Variants in TULP4 observed in about 807,000 individuals in gnomAD.
TULP4 encodes the protein tubby-related protein 4.
A neutral mutation model predicts 129.0 loss-of-function variants in TULP4; 16 were observed. The ratio of observed to expected loss-of-function variants is 0.12; its 90% CI spans 0.08 to 0.19. The LOEUF is 0.19. Among genes scored for constraint, TULP4 ranks in the 10% least tolerant of loss-of-function variants. The probability of loss-of-function intolerance (pLI) is 1.00; values close to 1 mark genes in which losing one functional copy is unlikely to be tolerated. For missense variants in TULP4, 1,842 were observed against 2,059.1 expected (o/e 0.89, Z 2.04); for synonymous variants, 998 against 854.0 (o/e 1.17, Z -2.94).
chr6:158,424,227 A>G (rs1778423225), intron 2 of TULP4, among the ~76,000 whole-genome samples: 1 of 152,190 alleles, frequency 6.6e-6, no homozygotes, highest in Non-Finnish European at 1.5e-5. Flanking sequence ...GTATATTTGT[A>G]TATAATCTAT....
At chr6:158,258,836 G>A (rs187946340) in intron 1 of TULP4, among the ~76,000 whole-genome samples, 28 of 152,012 alleles carry the variant, frequency 1.8e-4, no homozygotes, top group Admixed American at 3.9e-4. Context: ...TTATTTTCAC[G>A]TCAGCATTAT....
chr6:158,324,265 T>TA (rs1301924345), intron 1 of TULP4, among the ~76,000 whole-genome samples: 2 of 152,202 alleles, frequency 1.3e-5, no homozygotes, highest in Non-Finnish European at 2.9e-5. Context: ...AAAATATTCT[T>TA]ACATTCCCTG....
At chr6:158,466,313 A>G (rs1779553146) in intron 6 of TULP4, among the ~76,000 whole-genome samples, 1 of 152,092 alleles carries the variant, frequency 6.6e-6, no homozygotes, top group Non-Finnish European at 1.5e-5. Flanking sequence ...ACCATTTTAC[A>G]TTTTCACTAA....
At chr6:158,483,923 GT>G (rs111713315) in intron 8 of TULP4, among the ~76,000 whole-genome samples, 6,014 of 144,558 alleles carry the variant, frequency 0.042, 154 homozygotes, top group South Asian at 0.079. Flanking sequence ...AGTCCCAGTA[GT>G]TTTTTTTTTT....
intron 8 of TULP4, among the ~76,000 whole-genome samples, chr6:158,484,201 A>C (rs998423280): frequency 3.3e-5 from 5 of 151,408 alleles, no homozygotes; most frequent in Admixed American, 2.6e-4. Context: ...CTGGGATCAT[A>C]GGTGTGAGCC....
At chr6:158,260,388 A>T (rs886432858) in intron 1 of TULP4, among the ~76,000 whole-genome samples, 18 of 152,116 alleles carry the variant, frequency 1.2e-4, no homozygotes, top group Non-Finnish European at 2.5e-4. Flanking sequence ...CATCCTGGCT[A>T]ACACGGTGAA....
intron 8 of TULP4, among the ~76,000 whole-genome samples, chr6:158,487,979 T>C (rs1266952695): frequency 6.6e-6 from 1 of 152,100 alleles, no homozygotes; most frequent in African/African-American, 2.4e-5. Flanking sequence ...AAAATAGTAG[T>C]TATGGCCAAA....
At chr6:158,261,820 A>G (rs986146748) in intron 1 of TULP4, among the ~76,000 whole-genome samples, 3 of 152,072 alleles carry the variant, frequency 2.0e-5, no homozygotes, top group Non-Finnish European at 2.9e-5. Flanking sequence ...AGTTCCTCAC[A>G]GTGTATGATG....
chr6:158,418,083 C>T (rs908600955), intron 2 of TULP4, among the ~76,000 whole-genome samples: 2 of 148,416 alleles, frequency 1.3e-5, no homozygotes, highest in Non-Finnish European at 1.5e-5. Context: ...GAGTTTCTGC[C>T]TTTTTGTGTG....
intron 4 of TULP4, among the ~76,000 whole-genome samples, chr6:158,451,014 A>C (rs1779152659): frequency 6.6e-6 from 1 of 152,174 alleles, no homozygotes; most frequent in Non-Finnish European, 1.5e-5. Context: ...GCAGTGAGCC[A>C]AGATCGCGCC....
At chr6:158,344,008 C>G (rs1280944699) in intron 1 of TULP4, among the ~76,000 whole-genome samples, 1 of 152,194 alleles carries the variant, frequency 6.6e-6, no homozygotes, top group African/African-American at 2.4e-5. Context: ...TGATGACATT[C>G]CACCATCGTG....
rs550653933 is a variant in TULP4, at chr6:158,240,750, A to AC, written n.68+8454dup. Among the ~76,000 whole-genome samples the AC allele has an allele frequency of 6.3e-3, 680 of 107,402 alleles. 63 individuals carry two copies. The East Asian group carries it at 0.16, about 25-fold the overall frequency. The allele number at this position is 107,402 out of a possible 152,430, so 70.5% of individuals were successfully genotyped here. A position where few individuals can be genotyped will look rare whatever the true frequency, so the allele number is the denominator to read the frequency against. On this transcript the variant is annotated intron_variant and non_coding_transcript_variant, in intron 1 of 1. Coordinates refer to the TULP4 transcript ENST00000620026. ...GGGCGGCTGGCCGGGCGGGGGGCTG[A>AC]CCCCCCCACCTCCCTCCCGGTCGGC...
intron 1 of TULP4, among the ~76,000 whole-genome samples, chr6:158,363,794 T>TA: frequency 2.0e-5 from 3 of 152,214 alleles, no homozygotes; most frequent in South Asian, 4.2e-4. Flanking sequence ...CGCGTGTTTT[T>TA]TTTTTCTTTT....
At chr6:158,250,627 T>C (rs975478310) in intron 1 of TULP4, among the ~76,000 whole-genome samples, 30 of 152,306 alleles carry the variant, frequency 2.0e-4, no homozygotes, top group African/African-American at 6.7e-4. Flanking sequence ...ATACCACATT[T>C]TTTCTTCCCT....
chr6:158,387,449 C>A (rs2114934331), intron 1 of TULP4, among the ~76,000 whole-genome samples: 1 of 152,232 alleles, frequency 6.6e-6, no homozygotes, highest in African/African-American at 2.4e-5. Context: ...AATAGGAAAT[C>A]ATTTTAAAAT....
chr6:158,448,194 A>G (rs1300484838), intron 3 of TULP4, among the ~76,000 whole-genome samples: 1 of 152,120 alleles, frequency 6.6e-6, no homozygotes, highest in Non-Finnish European at 1.5e-5. Flanking sequence ...ACCTGTCTGT[A>G]TTACCCAGCA....
chr6:158,507,227 G>A lies in TULP4; in HGVS notation c.*533G>A, dbSNP rs1016578457. 2 of 158,992 alleles carry A rather than the reference G, an allele frequency of 1.3e-5. No individual in the cohort carries two copies. The highest frequency in any genetic ancestry group is 2.8e-5 in the Non-Finnish European group (2 of 71,540). The allele number at this position is 158,992 out of a possible 1,614,324, so 9.8% of individuals were successfully genotyped here. Reference sequence around the variant, plus strand: ...CCAAAAGGTGACTTAATTAATAAAGGGCATTTGGGCAGACACACTGTGTTG... The same window carrying A: ...CCAAAAGGTGACTTAATTAATAAAGAGCATTTGGGCAGACACACTGTGTTG... On this transcript the variant is annotated 3_prime_UTR_variant, in exon 14 of 14. Transcript: ENST00000367097.
At chr6:158,465,863 CAG>C (rs1454474632) in intron 6 of TULP4, among the ~76,000 whole-genome samples, 1 of 152,150 alleles carries the variant, frequency 6.6e-6, no homozygotes, top group Non-Finnish European at 1.5e-5. Flanking sequence ...CAGGTAGATT[CAG>C]AGATTCTTTA....
chr6:158,314,491 C>T (rs1413866883), intron 1 of TULP4, among the ~76,000 whole-genome samples: 1 of 152,202 alleles, frequency 6.6e-6, no homozygotes, highest in African/African-American at 2.4e-5. Flanking sequence ...CCTGGCACCC[C>T]TGCTGTCCTC....
Sources: allele counts gnomAD v4.1 joint callset (sites outside exome capture counted in the v4.1 genomes callset), GRCh38; gene constraint gnomAD v4.1.1; transcripts MANE v1.5; gene names NCBI Gene and HGNC (gene_info 2026-07-23, HGNC 2026-07-21).